MAN1C1: variants seen among roughly 807,000 people sequenced by gnomAD.
MAN1C1 encodes the protein mannosyl-oligosaccharide 1,2-alpha-mannosidase IC.
A neutral mutation model predicts 71.5 loss-of-function variants in MAN1C1; 49 were observed. The ratio of observed to expected loss-of-function variants is 0.69; its 90% confidence interval spans 0.54 to 0.87. The LOEUF is 0.87. Ranked by LOEUF, MAN1C1 falls within the 40% of genes least tolerant of loss-of-function variation. The pLI is 0.00. For synonymous variants in MAN1C1, 352 were observed against 343.7 expected (o/e 1.02, Z -0.27); for missense variants, 743 against 835.0 (o/e 0.89, Z 1.36).
At chr1:25,718,562 G>C (rs1208085708) in intron 2 of MAN1C1, among the ~76,000 whole-genome samples, 1 of 152,178 alleles carries the variant, frequency 6.6e-6, no homozygotes, top group Non-Finnish European at 1.5e-5. Context: ...CACCTAAAAA[G>C]AAACTTTGTG....
chr1:25,624,216 C>T (rs577293184), intron 1 of MAN1C1, among the ~76,000 whole-genome samples: 8 of 152,328 alleles, frequency 5.3e-5, no homozygotes, highest in African/African-American at 1.9e-4. Context: ...CCGTCTTCCT[C>T]CTCACTCCCC....
chr1:25,753,685 C>A lies in MAN1C1; in HGVS notation c.929+107C>A. On this transcript the variant is annotated intron_variant, in intron 5 of 11. Transcript: ENST00000374332. This position sits in a 1 kb window ranked among gnomAD's most constrained non-coding sequence, Gnocchi z 4.9. ...GGAGGCTCCAGGGGCAGTAGGCAGG[C>A]AAGCAGGAGGGGGGACCCTTGGGAC... 1.1e-6 allele frequency: 1 copy of A among 926,376 alleles called. No individual in the cohort carries two copies. Among genetic ancestry groups the A allele is most frequent in the Admixed American group, 2.5e-5 (1 of 40,228 alleles). The allele number at this position is 926,376 out of a possible 1,614,324, so 57.4% of individuals were successfully genotyped here.
At chr1:25,765,299 G>C (rs534061558) in intron 7 of MAN1C1, among the ~76,000 whole-genome samples, 1 of 152,150 alleles carries the variant, frequency 6.6e-6, no homozygotes, top group Non-Finnish European at 1.5e-5. Flanking sequence ...GAGAAGCCCA[G>C]CTCTGGGAAG....
In MAN1C1 at chr1:25,748,956, C is replaced by T. The variant is rs111701502; in HGVS notation, c.754-299C>T. ...TCTAAGCTCCAGCCAGCAGCTCTCC[C>T]GGCAGGTTCTGGCGCTCCTTGGAGC... On this transcript the variant is annotated intron_variant, in intron 3 of 11. Transcript: ENST00000374332. Among the ~76,000 whole-genome samples the T allele has an allele frequency of 1.8e-3, 268 of 152,308 alleles. 1 individual carries two copies. Among genetic ancestry groups the T allele is most frequent in the African/African-American group, 5.4e-3 (224 of 41,584 alleles).
intron 2 of MAN1C1, among the ~76,000 whole-genome samples, chr1:25,689,555 G>T (rs3014706): frequency 0.22 from 33,731 of 152,090 alleles, 6,300 homozygotes; most frequent in African/African-American, 0.51. Flanking sequence ...GGGCTGAGGG[G>T]CATTCTTGGA....
intron 2 of MAN1C1, among the ~76,000 whole-genome samples, chr1:25,723,117 C>G (rs1184039502): frequency 6.6e-6 from 1 of 152,084 alleles, no homozygotes; most frequent in Non-Finnish European, 1.5e-5. Context: ...AATGGACCTT[C>G]TGAGATCCAT....
At chr1:25,719,444 T>C (rs1217533929) in intron 2 of MAN1C1, among the ~76,000 whole-genome samples, 1 of 142,264 alleles carries the variant, frequency 7.0e-6, no homozygotes, top group African/African-American at 2.7e-5. Context: ...TATTTATTTA[T>C]TGAGATAGGG....
intron 2 of MAN1C1, among the ~76,000 whole-genome samples, chr1:25,709,215 A>C (rs537514275): frequency 7.5e-4 from 114 of 152,260 alleles, no homozygotes; most frequent in African/African-American, 2.6e-3. Context: ...TGTAGGTGGC[A>C]TTTACTGCTC....
At chr1:25,638,466 A>C (rs1043175506) in intron 1 of MAN1C1, among the ~76,000 whole-genome samples, 4 of 152,062 alleles carry the variant, frequency 2.6e-5, no homozygotes, top group African/African-American at 9.7e-5. Flanking sequence ...CCATATACTG[A>C]CCATTTCCAA....
At chr1:25,669,505 G>A (rs1263445881) in intron 1 of MAN1C1, among the ~76,000 whole-genome samples, 1 of 152,166 alleles carries the variant, frequency 6.6e-6, no homozygotes, top group Non-Finnish European at 1.5e-5. Context: ...ACTGGCTTGT[G>A]CTTTTAACCA....
chr1:25,633,018 C>G (rs928957712), intron 1 of MAN1C1, among the ~76,000 whole-genome samples: 11 of 152,014 alleles, frequency 7.2e-5, no homozygotes, highest in African/African-American at 2.2e-4. Flanking sequence ...CAGGTGCGTG[C>G]CACCACACCC....
At chr1:25,717,575 C>CT (rs1023005252) in intron 2 of MAN1C1, among the ~76,000 whole-genome samples, 6,209 of 135,528 alleles carry the variant, frequency 0.046, 208 homozygotes, top group African/African-American at 0.091. Flanking sequence ...TACCATTTTC[C>CT]TTTTTTTTTT....
chr1:25,757,303 G>C (rs889599484), intron 5 of MAN1C1, among the ~76,000 whole-genome samples: 1 of 152,184 alleles, frequency 6.6e-6, no homozygotes, highest in Non-Finnish European at 1.5e-5. Flanking sequence ...AGGAAGCAGA[G>C]TGCCCCTGGC....
intron 1 of MAN1C1, among the ~76,000 whole-genome samples, chr1:25,684,191 C>T (rs1008835903): frequency 5.3e-5 from 8 of 152,036 alleles, no homozygotes; most frequent in African/African-American, 1.7e-4. Context: ...CGCCAGCCCC[C>T]CAGCCACCTG....
intron 2 of MAN1C1, among the ~76,000 whole-genome samples, chr1:25,723,625 G>A (rs530800682): frequency 6.6e-6 from 1 of 152,246 alleles, no homozygotes; most frequent in East Asian, 1.9e-4. Flanking sequence ...GTGGAAATAG[G>A]GCTAGTGCAT....
At chr1:25,693,323 G>T (rs183213315) in intron 2 of MAN1C1, among the ~76,000 whole-genome samples, 1 of 152,062 alleles carries the variant, frequency 6.6e-6, no homozygotes, top group African/African-American at 2.4e-5. Context: ...CTCAGGAATG[G>T]CAGAGGCAGA....
chr1:25,654,438 A>G (rs2124078944), intron 1 of MAN1C1: 1 of 152,310 alleles, frequency 6.6e-6, no homozygotes, highest in Non-Finnish European at 1.5e-5. Flanking sequence ...TAGTTGAGGA[A>G]ACTGTCTCAC....
chr1:25,664,194 C>T (rs2045889142), intron 1 of MAN1C1, among the ~76,000 whole-genome samples: 2 of 152,062 alleles, frequency 1.3e-5, no homozygotes, highest in South Asian at 4.2e-4. Flanking sequence ...TTAGTGGCAC[C>T]CCATGCTGCT....
At chr1:25,693,372 G>A (rs933549331) in intron 2 of MAN1C1, among the ~76,000 whole-genome samples, 5 of 152,172 alleles carry the variant, frequency 3.3e-5, no homozygotes, top group Non-Finnish European at 5.9e-5. Context: ...GTCCATGTCT[G>A]TAATCCCAGC....
Sources: allele counts gnomAD v4.1 joint callset (sites outside exome capture counted in the v4.1 genomes callset), GRCh38; gene constraint gnomAD v4.1.1; non-coding constraint Gnocchi (gnomAD v3.1); transcripts MANE v1.5; gene names NCBI Gene and HGNC (gene_info 2026-07-23, HGNC 2026-07-21).